KIAA1549L: variants seen among roughly 807,000 people sequenced by gnomAD.
KIAA1549L encodes the protein UPF0606 protein KIAA1549L.
A neutral mutation model predicts 160.7 loss-of-function variants in KIAA1549L; 88 were observed. That is an observed-to-expected ratio of 0.55 (90% CI 0.46 to 0.65). The LOEUF (loss-of-function observed/expected upper bound fraction) is 0.65. Ranked by LOEUF, KIAA1549L falls within the 30% of genes least tolerant of loss-of-function variation. The probability of loss-of-function intolerance (pLI) is 0.00; values close to 1 mark genes in which losing one functional copy is unlikely to be tolerated. For synonymous variants in KIAA1549L, 950 were observed against 976.7 expected, an observed-to-expected ratio of 0.97 and a Z score of 0.51; for missense variants, 2,258 against 2,437.5, an observed-to-expected ratio of 0.93 and a Z score of 1.55.
intron 1 of KIAA1549L, among the ~76,000 whole-genome samples, chr11:33,477,549 A>AC (rs1056437734): frequency 6.8e-6 from 1 of 146,640 alleles, no homozygotes; most frequent in Non-Finnish European, 1.5e-5. Flanking sequence ...ACACGACACT[A>AC]CCCCCCTTTG....
At chr11:33,574,567 G>A in intron 9 of KIAA1549L, 135 bp from the exon 10 acceptor site, 2 of 678,146 alleles carry the variant, frequency 2.9e-6, no homozygotes, top group Non-Finnish European at 4.9e-6. Context: ...GCTGGATATA[G>A]GGAGGTATGT....
In KIAA1549L at chr11:33,559,919, T is replaced by A. The variant is rs1256560418; in HGVS notation, c.4018+8T>A. On this transcript the variant is annotated splice_region_variant and intron_variant, in intron 7 of 20. Coordinates refer to ENST00000658780, the MANE Select transcript of KIAA1549L (RefSeq NM_012194.3). ...CGCTAACCATTGCTGAACGTGAGTA[T>A]GGCCATGCCTATGGGGACCCCAGTG... 1 of 1,612,760 alleles carries A rather than the reference T, an allele frequency of 6.2e-7. No homozygotes were observed. Among genetic ancestry groups the A allele is most frequent in the South Asian group, 1.1e-5 (1 of 91,064 alleles).
intron 1 of KIAA1549L, among the ~76,000 whole-genome samples, chr11:33,521,769 C>T (rs914661368): frequency 6.6e-6 from 1 of 152,194 alleles, no homozygotes; most frequent in Admixed American, 6.5e-5. Flanking sequence ...GGTTCTTTCT[C>T]TCTTTGTGGG....
intron 1 of KIAA1549L, among the ~76,000 whole-genome samples, chr11:33,427,080 G>A (rs746575383): frequency 6.6e-6 from 1 of 152,240 alleles, no homozygotes; most frequent in Non-Finnish European, 1.5e-5. Flanking sequence ...AAAACCACAC[G>A]ACCAGGCTCA....
At chr11:33,456,955 C>T (rs1227567471) in intron 1 of KIAA1549L, among the ~76,000 whole-genome samples, 2 of 152,192 alleles carry the variant, frequency 1.3e-5, no homozygotes, top group East Asian at 3.9e-4. Flanking sequence ...CCTTCTCCTT[C>T]CCTTAGTTAC....
At chr11:33,408,456 T>C (rs1850713949) in intron 1 of KIAA1549L, among the ~76,000 whole-genome samples, 1 of 146,274 alleles carries the variant, frequency 6.8e-6, no homozygotes, top group African/African-American at 2.7e-5. Flanking sequence ...TCTCCATAAG[T>C]TAGAGATATA....
rs191763958 is a variant in KIAA1549L at position 33,402,818 on chromosome 11, T to G, written c.238+25929T>G. Among the ~76,000 whole-genome samples the G allele has an allele frequency of 1.4e-3, 197 of 140,524 alleles. 1 individual carries two copies. The highest frequency in any genetic ancestry group is 6.3e-3 in the African/African-American group (191 of 30,508). The allele number at this position is 140,524 out of a possible 152,430, so 92.2% of individuals were successfully genotyped here. A position where few individuals can be genotyped will look rare whatever the true frequency, so the allele number is the denominator to read the frequency against. On this transcript the variant is annotated intron_variant, in intron 1 of 20. Coordinates refer to ENST00000658780, the MANE Select transcript of KIAA1549L (RefSeq NM_012194.3). ...CTTGGCTCACTCCTGCCACCCCCCC[T>G]AGCTTCCGAACCAGTTGACTTGGTG...
At chr11:33,577,261 G>C (rs1343463863) in intron 10 of KIAA1549L, among the ~76,000 whole-genome samples, 2 of 152,220 alleles carry the variant, frequency 1.3e-5, no homozygotes, top group Non-Finnish European at 2.9e-5. Flanking sequence ...CTGAGAAGAA[G>C]AACAAGGTGT....
At chr11:33,387,266 T>C (rs1421562710) in intron 1 of KIAA1549L, among the ~76,000 whole-genome samples, 1 of 152,138 alleles carries the variant, frequency 6.6e-6, no homozygotes, top group Admixed American at 6.5e-5. Context: ...ATAAAAAGTA[T>C]CAGGTACCTC....
chr11:33,534,329 T>C (rs1853843909), intron 1 of KIAA1549L, among the ~76,000 whole-genome samples: 1 of 151,768 alleles, frequency 6.6e-6, no homozygotes. Context: ...TAACCTCAAG[T>C]CATCTGCTCC....
At chr11:33,457,083 G>T (rs1461622215) in intron 1 of KIAA1549L, among the ~76,000 whole-genome samples, 1 of 152,182 alleles carries the variant, frequency 6.6e-6, no homozygotes, top group Non-Finnish European at 1.5e-5. Context: ...ACAGTTACCG[G>T]CTGGGTATGG....
chr11:33,635,529 A>T (rs1384614505), intron 16 of KIAA1549L, among the ~76,000 whole-genome samples: 2 of 152,208 alleles, frequency 1.3e-5, no homozygotes, highest in African/African-American at 4.8e-5. Flanking sequence ...TAACAAGGTG[A>T]GGTAAAGTGA....
intron 10 of KIAA1549L, among the ~76,000 whole-genome samples, chr11:33,580,649 G>A (rs1855609097): frequency 6.6e-6 from 1 of 151,234 alleles, no homozygotes; most frequent in Admixed American, 6.6e-5. Flanking sequence ...TGGTAAAGAG[G>A]ACTCATGCTC....
chr11:33,433,473 G>A (rs138292210), intron 1 of KIAA1549L, among the ~76,000 whole-genome samples: 8,192 of 152,092 alleles, frequency 0.054, 305 homozygotes, highest in East Asian at 0.16. Flanking sequence ...AAATAGGAAC[G>A]CTTTTACACT....
chr11:33,625,450 T>C (rs1489908129), intron 16 of KIAA1549L, among the ~76,000 whole-genome samples: 1 of 152,206 alleles, frequency 6.6e-6, no homozygotes, highest in Non-Finnish European at 1.5e-5. Flanking sequence ...TGATTGCCAT[T>C]CTAACTGGTG....
intron 9 of KIAA1549L, among the ~76,000 whole-genome samples, 177 bp from the exon 10 acceptor site, chr11:33,574,525 T>G (rs550080568): frequency 1.7e-4 from 26 of 152,242 alleles, no homozygotes; most frequent in Non-Finnish European, 2.6e-4. Context: ...CCTCCCAGTC[T>G]CCTGCTCCAG....
rs1590253343 is a variant in KIAA1549L at position 33,449,313 on chromosome 11, G to A, written c.238+72424G>A. Among the ~76,000 whole-genome samples, 3 of 151,712 alleles carry A rather than the reference G, an allele frequency of 2.0e-5. No individual in the cohort carries two copies. The East Asian group carries it at 5.8e-4, about 29-fold the overall frequency. Reference sequence around the variant, plus strand: ...GATTTCTCACACTTTTTCTTCTTTGGAGCTTACATTTTAGTGTCTATTATG... The same window carrying A: ...GATTTCTCACACTTTTTCTTCTTTGAAGCTTACATTTTAGTGTCTATTATG... On this transcript the variant is annotated intron_variant, in intron 1 of 20. Coordinates refer to ENST00000658780, the MANE Select transcript of KIAA1549L (RefSeq NM_012194.3).
chr11:33,519,173 A>G (rs1167527581), intron 1 of KIAA1549L, among the ~76,000 whole-genome samples: 1 of 152,170 alleles, frequency 6.6e-6, no homozygotes, highest in African/African-American at 2.4e-5. Context: ...CTGAATAAAG[A>G]TGTGTATCAC....
At chr11:33,553,780 T>C (rs564779148) in intron 6 of KIAA1549L, among the ~76,000 whole-genome samples, 3 of 152,342 alleles carry the variant, frequency 2.0e-5, no homozygotes, top group Admixed American at 6.5e-5. Flanking sequence ...CACAGACTTA[T>C]TGAGTATCTG....
Sources: gnomAD v4.1 joint callset for allele counts (sites outside exome capture counted in the v4.1 genomes callset) on GRCh38, gnomAD v4.1.1 for gene constraint, MANE v1.5 for transcripts, NCBI Gene and HGNC (gene_info 2026-07-23, HGNC 2026-07-21) for gene names.